The following HDAC9 variants were observed in gnomAD, a reference collection of about 807,000 sequenced individuals.
HDAC9 encodes the protein MEF-2 interacting transcription repressor (MITR) protein.
A neutral mutation model predicts 139.4 loss-of-function variants in HDAC9; 41 were observed. That is an observed-to-expected ratio of 0.29 (90% CI 0.23 to 0.38). The LOEUF is 0.38. Among genes scored for constraint, HDAC9 ranks in the 10% least tolerant of loss-of-function variants. The pLI is 1.00. For missense variants in HDAC9, 1,147 were observed against 1,297.0 expected (o/e 0.88, Z 1.78); for synonymous variants, 517 against 476.2 (o/e 1.09, Z -1.12).
At chr7:18,735,685 T>C (rs1786818347) in intron 13 of HDAC9, among the ~76,000 whole-genome samples, 1 of 152,202 alleles carries the variant, frequency 6.6e-6, no homozygotes, top group South Asian at 2.1e-4. Flanking sequence ...TCCAGGTTTG[T>C]TCTTTTTGCT....
intron 12 of HDAC9, among the ~76,000 whole-genome samples, chr7:18,695,266 G>A (rs962423640): frequency 6.6e-6 from 1 of 152,104 alleles, no homozygotes; most frequent in Non-Finnish European, 1.5e-5. Context: ...ATTATGTTAT[G>A]TCTATTCAGG....
intron 23 of HDAC9, among the ~76,000 whole-genome samples, chr7:18,952,820 T>TTG (rs1260770707): frequency 6.6e-6 from 1 of 151,166 alleles, no homozygotes; most frequent in African/African-American, 2.4e-5. Flanking sequence ...TGGTGATGTT[T>TTG]TTTTTTTTTT....
At chr7:18,205,676 A>G (rs1465693534) in intron 2 of HDAC9, among the ~76,000 whole-genome samples, 1 of 152,064 alleles carries the variant, frequency 6.6e-6, no homozygotes, top group Admixed American at 6.6e-5. Context: ...AAAATCCTAT[A>G]ATCTTCTCCC....
intron 2 of HDAC9, among the ~76,000 whole-genome samples, chr7:18,506,722 A>G (rs908399563): frequency 2.4e-4 from 37 of 152,180 alleles, no homozygotes; most frequent in African/African-American, 8.4e-4. Flanking sequence ...AATAACACCA[A>G]TGCTCCTAGC....
At chr7:18,209,213 A>G (rs1791762314) in intron 2 of HDAC9, among the ~76,000 whole-genome samples, 1 of 152,186 alleles carries the variant, frequency 6.6e-6, no homozygotes, top group Non-Finnish European at 1.5e-5. Context: ...TCACCCGCTT[A>G]TATAACAGTC....
At chr7:18,867,740 G>C (rs780090195) in intron 21 of HDAC9, among the ~76,000 whole-genome samples, 11 of 151,966 alleles carry the variant, frequency 7.2e-5, no homozygotes, top group Non-Finnish European at 1.0e-4. Flanking sequence ...ATCTTCTGTC[G>C]TAAGTTGATC....
At chr7:18,319,656 A>G (rs907498059) in intron 1 of HDAC9, among the ~76,000 whole-genome samples, 1 of 152,244 alleles carries the variant, frequency 6.6e-6, no homozygotes, top group Non-Finnish European at 1.5e-5. Context: ...CTCTGACAAA[A>G]ACATAAAAAA....
intron 24 of HDAC9, among the ~76,000 whole-genome samples, chr7:18,960,679 G>C (rs1327515950): frequency 6.6e-6 from 1 of 152,052 alleles, no homozygotes; most frequent in Non-Finnish European, 1.5e-5. Context: ...GAAGGAAAAG[G>C]CTATAAAAGT....
intron 8 of HDAC9, among the ~76,000 whole-genome samples, chr7:18,636,004 C>G (rs184430192): frequency 6.6e-5 from 10 of 152,108 alleles, no homozygotes; most frequent in Admixed American, 4.6e-4. Flanking sequence ...ATGAAATTAT[C>G]AGGTCAGAAT....
At chr7:18,606,465 A>G (rs1031996254) in intron 6 of HDAC9, among the ~76,000 whole-genome samples, 2 of 152,216 alleles carry the variant, frequency 1.3e-5, no homozygotes, top group Admixed American at 6.5e-5. Flanking sequence ...CTTGCTCATG[A>G]TTAACAAGTT....
intron 1 of HDAC9, among the ~76,000 whole-genome samples, chr7:18,460,673 A>G (rs569097531): frequency 6.6e-6 from 1 of 151,882 alleles, no homozygotes; most frequent in East Asian, 1.9e-4. Context: ...AATCAATCCC[A>G]GCTACTCGGG....
At chr7:18,500,399 A>G (rs1001901143) in intron 2 of HDAC9, among the ~76,000 whole-genome samples, 1 of 152,304 alleles carries the variant, frequency 6.6e-6, no homozygotes, top group Non-Finnish European at 1.5e-5. Flanking sequence ...TTCAACAGTA[A>G]CTGAGCAAAG....
intron 1 of HDAC9, among the ~76,000 whole-genome samples, chr7:18,360,543 C>T (rs947790099): frequency 2.6e-5 from 4 of 152,094 alleles, no homozygotes; most frequent in South Asian, 2.1e-4. Context: ...TAAGAATTAC[C>T]GTTTCAAGTG....
intron 1 of HDAC9, among the ~76,000 whole-genome samples, chr7:18,329,637 G>A (rs1800754492): frequency 6.6e-6 from 1 of 151,502 alleles, no homozygotes. Context: ...TGTGCTCTCT[G>A]ATTCACAAAA....
chr7:18,601,672 C>T (rs1486918155), intron 6 of HDAC9, among the ~76,000 whole-genome samples: 2 of 152,072 alleles, frequency 1.3e-5, no homozygotes, highest in East Asian at 1.9e-4. Context: ...TTCTGAGAGT[C>T]CTCACAAATT....
chr7:18,749,161 CTT>C (rs1562910747), intron 14 of HDAC9, 23 bp downstream of exon 14: 8 of 1,610,206 alleles, frequency 5.0e-6, no homozygotes, highest in Non-Finnish European at 6.8e-6. Context: ...TGGACACACT[CTT>C]TTACTTACTT....
At chr7:18,525,876 G>A (rs1806701506) in intron 2 of HDAC9, among the ~76,000 whole-genome samples, 1 of 152,102 alleles carries the variant, frequency 6.6e-6, no homozygotes, top group Admixed American at 6.6e-5. Context: ...CTTACTTTCT[G>A]CATACGATTT....
intron 15 of HDAC9, among the ~76,000 whole-genome samples, chr7:18,766,064 G>A (rs1345726943): frequency 2.0e-5 from 3 of 152,136 alleles, no homozygotes; most frequent in South Asian, 2.1e-4. Flanking sequence ...TTTTACTGAC[G>A]TGGTGTATGA....
In HDAC9 at chr7:18,666,193, C is replaced by T; in HGVS notation, c.1468-20C>T. 1 of 1,585,580 alleles carries T rather than the reference C, an allele frequency of 6.3e-7. No homozygotes were observed. Among genetic ancestry groups the T allele is most frequent in the Non-Finnish European group, 8.6e-7 (1 of 1,163,344 alleles). On this transcript the variant is annotated intron_variant, in intron 11 of 25. Transcript: ENST00000686413. ...CATGAAGAACTACTGAATTTTGAAC[C>T]CCTGAACACTCTCTTCTAGCTGCTT...
Sources: gnomAD v4.1 joint callset for allele counts (sites outside exome capture counted in the v4.1 genomes callset) on GRCh38, gnomAD v4.1.1 for gene constraint, MANE v1.5 for transcripts, NCBI Gene and HGNC (gene_info 2026-07-23, HGNC 2026-07-21) for gene names.